The following PDGFD variants were observed in gnomAD, a reference collection of about 807,000 sequenced individuals.
The protein encoded by PDGFD is platelet derived growth factor D, also known as platelet-derived growth factor D.
PDGFD carries 30 observed loss-of-function variants against 44.7 expected under a neutral mutation model. That is an observed-to-expected ratio of 0.67 (90% CI 0.50 to 0.91). PDGFD has a LOEUF of 0.91. PDGFD is among the 40% of genes least tolerant of loss of function. PDGFD has a pLI of 0.00. For synonymous variants in PDGFD, 173 were observed against 168.4 expected (o/e 1.03, Z -0.21); for missense variants, 445 against 457.8 (o/e 0.97, Z 0.25).
chr11:103,936,428 G>A (rs1029593082), intron 5 of PDGFD, among the ~76,000 whole-genome samples: 3 of 152,116 alleles, frequency 2.0e-5, no homozygotes. Flanking sequence ...GTGTCCTCCT[G>A]TTTAGCATGC....
intron 1 of PDGFD, among the ~76,000 whole-genome samples, chr11:104,156,083 G>A (rs1159646422): frequency 6.6e-6 from 1 of 152,166 alleles, no homozygotes; most frequent in Admixed American, 6.5e-5. Flanking sequence ...GTAAGTATGT[G>A]AGGTAATGCA....
intron 1 of PDGFD, among the ~76,000 whole-genome samples, chr11:104,082,137 C>CT (rs1861053816): frequency 8.1e-6 from 1 of 123,262 alleles, no homozygotes; most frequent in Non-Finnish European, 1.6e-5. Flanking sequence ...TACATACATA[C>CT]ATATATATAT....
intron 3 of PDGFD, among the ~76,000 whole-genome samples, chr11:103,950,211 G>A (rs182084967): frequency 2.6e-5 from 4 of 152,016 alleles, no homozygotes; most frequent in South Asian, 4.2e-4. Flanking sequence ...TCTTGGAACT[G>A]GAAATAGTTT....
Position 104,011,507 on chromosome 11 carries a change from A to C in PDGFD, c.125-11252T>G, listed in dbSNP as rs1859786719. On this transcript the variant is annotated intron_variant, in intron 1 of 6. Coordinates refer to ENST00000393158, the MANE Select transcript of PDGFD (RefSeq NM_025208.5). ...AATTTCTTCGCATGTTAACATTTTA[A>C]AATAGGGAACTATCTTATGATTACT... 2.6e-5 allele frequency among the ~76,000 whole-genome samples: 4 copies of C among 152,086 alleles called. No homozygotes were observed. In the South Asian group the frequency reaches 8.3e-4, roughly 32 times the overall value.
At chr11:104,156,034 C>G (rs1028298443) in intron 1 of PDGFD, among the ~76,000 whole-genome samples, 2 of 152,048 alleles carry the variant, frequency 1.3e-5, no homozygotes, top group African/African-American at 4.8e-5. Flanking sequence ...TTGAAAATTG[C>G]TAACAGTAGA....
chr11:103,923,434 A>T (rs973204776), intron 6 of PDGFD, among the ~76,000 whole-genome samples: 1 of 152,240 alleles, frequency 6.6e-6, no homozygotes, highest in Non-Finnish European at 1.5e-5. Context: ...AAGGTTGAGC[A>T]CTGAAATATT....
intron 6 of PDGFD, among the ~76,000 whole-genome samples, chr11:103,912,150 G>A (rs1250361791): frequency 6.6e-6 from 1 of 152,136 alleles, no homozygotes; most frequent in Non-Finnish European, 1.5e-5. Context: ...TACTCCTCGA[G>A]AAGAACAATC....
intron 3 of PDGFD, among the ~76,000 whole-genome samples, chr11:103,986,751 C>T (rs1406747129): frequency 1.3e-5 from 2 of 152,198 alleles, no homozygotes; most frequent in African/African-American, 2.4e-5. Flanking sequence ...GGGGACTAAA[C>T]TGTCTTTACA....
At chr11:104,066,562 G>A (rs1860793961) in intron 1 of PDGFD, among the ~76,000 whole-genome samples, 1 of 152,070 alleles carries the variant, frequency 6.6e-6, no homozygotes, top group Non-Finnish European at 1.5e-5. Context: ...TAAATTCCTT[G>A]ACCTAACACC....
At chr11:104,060,428 T>G (rs1406707571) in intron 1 of PDGFD, among the ~76,000 whole-genome samples, 2 of 152,168 alleles carry the variant, frequency 1.3e-5, no homozygotes, top group Non-Finnish European at 2.9e-5. Flanking sequence ...TGGGCCTGGG[T>G]ACACATCTGG....
intron 1 of PDGFD, among the ~76,000 whole-genome samples, chr11:104,017,467 C>A (rs1271734125): frequency 6.6e-6 from 1 of 152,154 alleles, no homozygotes; most frequent in East Asian, 1.9e-4. Context: ...TAGTCTCTAT[C>A]TACTTTCTCC....
At chr11:104,082,900 T>A (rs924830359) in intron 1 of PDGFD, among the ~76,000 whole-genome samples, 1 of 152,204 alleles carries the variant, frequency 6.6e-6, no homozygotes, top group South Asian at 2.1e-4. Context: ...ATTACAGGCA[T>A]GAGCCCCTAC....
intron 3 of PDGFD, among the ~76,000 whole-genome samples, chr11:103,957,983 A>G (rs2134334613): frequency 6.6e-6 from 1 of 152,256 alleles, no homozygotes; most frequent in East Asian, 1.9e-4. Context: ...GAAATACTAC[A>G]GTATTTCTAC....
intron 3 of PDGFD, among the ~76,000 whole-genome samples, chr11:103,976,875 G>A (rs1859192680): frequency 6.6e-6 from 1 of 151,782 alleles, no homozygotes; most frequent in African/African-American, 2.4e-5. Flanking sequence ...AGTTGAACCA[G>A]CCTTGCATCC....
chr11:104,094,092 G>T (rs1320543848), intron 1 of PDGFD, among the ~76,000 whole-genome samples: 4 of 147,142 alleles, frequency 2.7e-5, no homozygotes, highest in Non-Finnish European at 6.0e-5. Context: ...CAATCTTTGT[G>T]TTGTTCCATC....
intron 1 of PDGFD, among the ~76,000 whole-genome samples, chr11:104,077,033 T>C (rs1200904719): frequency 6.6e-6 from 1 of 152,210 alleles, no homozygotes; most frequent in Non-Finnish European, 1.5e-5. Context: ...CAGTAAGGAT[T>C]CCAGTCAATA....
chr11:104,089,530 T>C (rs1297688003), intron 1 of PDGFD, among the ~76,000 whole-genome samples: 1 of 152,156 alleles, frequency 6.6e-6, no homozygotes, highest in African/African-American at 2.4e-5. Context: ...AAGAATAAAA[T>C]AATAGCATAT....
chr11:103,907,344 T>C lies in PDGFD; in HGVS notation c.*2350A>G, dbSNP rs953453677. The C allele has an allele frequency of 6.6e-6, 1 of 152,210 alleles. No individual in the cohort carries two copies. The highest frequency in any genetic ancestry group is 1.5e-5 in the Non-Finnish European group (1 of 68,044). 9.4% of individuals were successfully genotyped at this position (152,210 alleles called of 1,614,324 possible). On this transcript the variant is annotated 3_prime_UTR_variant, in exon 7 of 7. Coordinates refer to ENST00000393158, the MANE Select transcript of PDGFD (RefSeq NM_025208.5). ...AAGTGTTTTGCCCTATAAGAACATA[T>C]TCAATAAAAGGCATTATTCCAGGTG... is the stretch of plus-strand genomic sequence containing the variant.
intron 1 of PDGFD, among the ~76,000 whole-genome samples, chr11:104,107,101 G>A (rs1861482021): frequency 6.6e-6 from 1 of 152,008 alleles, no homozygotes; most frequent in South Asian, 2.1e-4. Flanking sequence ...TCCATGATTA[G>A]AATATAAAAT....
Sources: allele counts gnomAD v4.1 joint callset (sites outside exome capture counted in the v4.1 genomes callset), GRCh38; gene constraint gnomAD v4.1.1; transcripts MANE v1.5; gene names NCBI Gene and HGNC (gene_info 2026-07-23, HGNC 2026-07-21).